DAB2IP: variants seen among roughly 807,000 people sequenced by gnomAD.
DAB2IP encodes DAB2 interacting protein, also known as disabled homolog 2-interacting protein.
DAB2IP carries 28 observed loss-of-function variants against 107.2 expected under a neutral mutation model. The observed-to-expected ratio is 0.26, with a 90% CI of 0.19 to 0.36. DAB2IP has a LOEUF of 0.36. DAB2IP is among the 10% of genes least tolerant of loss of function. The probability of loss-of-function intolerance (pLI) is 1.00; values close to 1 mark genes in which losing one functional copy is unlikely to be tolerated. For synonymous variants in DAB2IP, 755 were observed against 706.4 expected, an observed-to-expected ratio of 1.07 and a Z score of -1.09; for missense variants, 1,400 against 1,644.7, an observed-to-expected ratio of 0.85 and a Z score of 2.57.
At chr9:121,732,836 C>T (rs1831626042) in intron 3 of DAB2IP, among the ~76,000 whole-genome samples, 1 of 152,204 alleles carries the variant, frequency 6.6e-6, no homozygotes, top group Non-Finnish European at 1.5e-5. Context: ...ATAGCCACAG[C>T]TTATGGCTCT....
chr9:121,736,627 C>T lies in DAB2IP; in HGVS notation c.363-20386C>T, dbSNP rs1216835797. Reference sequence around the variant, plus strand: ...GAGAGGGTTTGGGGCGTGGCGCAGCCCGACGTTAGTCCGGAATGCTCTGGG... The same window carrying T: ...GAGAGGGTTTGGGGCGTGGCGCAGCTCGACGTTAGTCCGGAATGCTCTGGG... On this transcript the variant is annotated intron_variant, in intron 3 of 15. Coordinates refer to ENST00000408936, the Ensembl canonical transcript of DAB2IP. This position sits in a 1 kb window ranked among gnomAD's most constrained non-coding sequence, Gnocchi z 4.6. Among the ~76,000 whole-genome samples, 1 of 152,192 alleles carries T rather than the reference C, an allele frequency of 6.6e-6. No homozygotes were observed. The highest frequency in any genetic ancestry group is 2.4e-5 in the African/African-American group (1 of 41,458).
intron 3 of DAB2IP, among the ~76,000 whole-genome samples, chr9:121,742,348 G>A (rs1467771878): frequency 2.6e-5 from 4 of 152,360 alleles, no homozygotes; most frequent in African/African-American, 9.6e-5. Context: ...ACAATCACTT[G>A]AACCCGGGAG....
In DAB2IP at chr9:121,633,371, C is replaced by A. The variant is rs1373763935; in HGVS notation, c.41-45307C>A. Reference sequence around the variant, plus strand: ...GTCAGAGCCAGGGGTTGTGTCTTTGCCCACTGACCCCACCCCCCCTACCAA... The same window carrying A: ...GTCAGAGCCAGGGGTTGTGTCTTTGACCACTGACCCCACCCCCCCTACCAA... On this transcript the variant is annotated intron_variant, in intron 1 of 16. Coordinates refer to the DAB2IP transcript ENST00000259371. This position sits in a 1 kb window ranked among gnomAD's most constrained non-coding sequence, Gnocchi z 5.1. Among the ~76,000 whole-genome samples the A allele has an allele frequency of 6.6e-6, 1 of 152,006 alleles. No individual in the cohort carries two copies. The highest frequency in any genetic ancestry group is 1.5e-5 in the Non-Finnish European group (1 of 68,006).
chr9:121,776,381 A>T lies in DAB2IP; in HGVS notation c.3304A>T (p.Ile1102Phe), dbSNP rs1835200600. ...GGACAAGGACATCCAGATGAAGGGC[A>T]TCATCAGCAGGTGGGGCCCACACCT... The change falls in exon 14 of 16, where the codon ATC becomes TTC. Residue 1102 changes from isoleucine to phenylalanine, a missense_variant. Physicochemically the swap from Ile to Phe is conservative, Grantham distance 21 (BLOSUM62 0). Coordinates refer to ENST00000408936, the Ensembl canonical transcript of DAB2IP. This position sits in a 1 kb window ranked among gnomAD's most constrained non-coding sequence, Gnocchi z 5.4. The T allele has an allele frequency of 6.5e-7, 1 of 1,542,022 alleles. No homozygotes were observed. The highest frequency in any genetic ancestry group is 8.8e-7 in the Non-Finnish European group (1 of 1,142,488).
chr9:121,694,547 C>A (rs1019836891), intron 2 of DAB2IP, among the ~76,000 whole-genome samples: 57 of 152,194 alleles, frequency 3.7e-4, no homozygotes, highest in African/African-American at 1.3e-3. Flanking sequence ...CGTTCAGGAC[C>A]TTCTGGAGAA....
intron 1 of DAB2IP, among the ~76,000 whole-genome samples, chr9:121,579,171 C>A (rs971362901): frequency 1.3e-5 from 2 of 152,100 alleles, no homozygotes; most frequent in African/African-American, 4.8e-5. Flanking sequence ...GGATGGTTAC[C>A]CTGGTACTCC....
At chr9:121,594,796 C>A (rs557664627) in intron 1 of DAB2IP, among the ~76,000 whole-genome samples, 1 of 152,202 alleles carries the variant, frequency 6.6e-6, no homozygotes, top group Non-Finnish European at 1.5e-5. Context: ...CAACAATCTA[C>A]AATATGATAA....
At position 121,783,642 on chromosome 9, in the gene DAB2IP, C is replaced by CT; in HGVS notation, c.*1146dup. 2.0e-6 allele frequency: 3 copies of CT among 1,475,022 alleles called. 1 individual carries two copies. In the South Asian group the frequency reaches 3.4e-5, roughly 17 times the overall value. 91.4% of individuals were successfully genotyped at this position (1,475,022 alleles called of 1,614,324 possible). A position where few individuals can be genotyped will look rare whatever the true frequency, so the allele number is the denominator to read the frequency against. Reference sequence around the variant, plus strand: ...AATAGCGGCCCTGGAGGATGTTAGACTTGCTCCCTCTCCAAGACAGCAGCA... The same window carrying CT: ...AATAGCGGCCCTGGAGGATGTTAGACTTTGCTCCCTCTCCAAGACAGCAGCA... On this transcript the variant is annotated 3_prime_UTR_variant, in exon 16 of 16. Coordinates refer to ENST00000408936, the Ensembl canonical transcript of DAB2IP.
intron 1 of DAB2IP, among the ~76,000 whole-genome samples, chr9:121,584,712 G>T (rs1019237421): frequency 2.6e-5 from 4 of 152,294 alleles, no homozygotes; most frequent in Admixed American, 2.0e-4. Flanking sequence ...GGCAAAGGGT[G>T]GGAAGTAGAG....
intron 1 of DAB2IP, among the ~76,000 whole-genome samples, chr9:121,591,520 C>A (rs1830422280): frequency 6.6e-6 from 1 of 152,124 alleles, no homozygotes; most frequent in African/African-American, 2.4e-5. Flanking sequence ...GACCTGACCA[C>A]CCAGGATCTT....
intron 3 of DAB2IP, among the ~76,000 whole-genome samples, chr9:121,718,668 C>T (rs545211560): frequency 6.6e-6 from 1 of 152,318 alleles, no homozygotes; most frequent in African/African-American, 2.4e-5. Flanking sequence ...CAGTTCATGG[C>T]ATTGTCAAGA....
At chr9:121,756,893 G>A in intron 3 of DAB2IP, 120 bp from the exon 4 acceptor site, 1 of 1,325,040 alleles carries the variant, frequency 7.5e-7, no homozygotes, top group Non-Finnish European at 1.1e-6. Flanking sequence ...AGAAAGGAGA[G>A]AGAGTGGAGA....
At chr9:121,717,669 C>T (rs1830683532) in intron 3 of DAB2IP, among the ~76,000 whole-genome samples, 1 of 152,240 alleles carries the variant, frequency 6.6e-6, no homozygotes, top group African/African-American at 2.4e-5. Context: ...TGCCATGTGG[C>T]AACCACATGC....
intron 1 of DAB2IP, among the ~76,000 whole-genome samples, chr9:121,618,989 G>T (rs1831368503): frequency 6.6e-6 from 1 of 152,130 alleles, no homozygotes. Flanking sequence ...AGCTTAAAGA[G>T]CCAATTATGT....
chr9:121,585,333 G>A (rs574676060), intron 1 of DAB2IP, among the ~76,000 whole-genome samples: 1 of 152,220 alleles, frequency 6.6e-6, no homozygotes, highest in South Asian at 2.1e-4. Flanking sequence ...TCCCTTACTA[G>A]ATAGATTTGT....
At chr9:121,642,579 C>A (rs1388779636) in intron 1 of DAB2IP, among the ~76,000 whole-genome samples, 1 of 142,418 alleles carries the variant, frequency 7.0e-6, no homozygotes, top group African/African-American at 2.6e-5. Flanking sequence ...CCTCTCTTGG[C>A]CTTCCAAAGT....
intron 14 of DAB2IP, among the ~76,000 whole-genome samples, chr9:121,779,341 C>T: frequency 6.6e-6 from 1 of 152,194 alleles, no homozygotes; most frequent in East Asian, 1.9e-4. Context: ...CTAATTCTAT[C>T]ATCTGTGACA....
intron 3 of DAB2IP, among the ~76,000 whole-genome samples, chr9:121,716,624 C>G (rs1017128607): frequency 6.6e-6 from 1 of 152,178 alleles, no homozygotes; most frequent in Non-Finnish European, 1.5e-5. Flanking sequence ...TCCCAGCACC[C>G]CAGTGTGCTG....
At chr9:121,605,508 G>GT (rs1249553455) in intron 1 of DAB2IP, among the ~76,000 whole-genome samples, 5 of 151,000 alleles carry the variant, frequency 3.3e-5, no homozygotes, top group South Asian at 2.1e-4. Flanking sequence ...ATTATTGTTG[G>GT]TTTTTTTTGA....
Sources: allele counts gnomAD v4.1 joint callset (sites outside exome capture counted in the v4.1 genomes callset), GRCh38; gene constraint gnomAD v4.1.1; non-coding constraint Gnocchi (gnomAD v3.1); transcripts MANE v1.5; gene names NCBI Gene and HGNC (gene_info 2026-07-23, HGNC 2026-07-21).